CACNA2D3: variants seen among roughly 807,000 people sequenced by gnomAD.
CACNA2D3 encodes the protein calcium voltage-gated channel auxiliary subunit alpha2delta 3, also known as voltage-dependent calcium channel subunit alpha-2/delta-3.
In CACNA2D3, 60 loss-of-function variants were observed where a neutral mutation model predicts 160.6. The observed-to-expected ratio is 0.37, with a 90% CI of 0.30 to 0.46. The LOEUF is 0.46. Ranked by LOEUF, CACNA2D3 falls within the 20% of genes least tolerant of loss-of-function variation. The pLI, the probability that CACNA2D3 is intolerant of heterozygous loss-of-function variation, is 1.00. For missense variants in CACNA2D3, 1,205 were observed against 1,365.0 expected (o/e 0.88, Z 1.85); for synonymous variants, 558 against 492.9 (o/e 1.13, Z -1.75).
intron 13 of CACNA2D3, among the ~76,000 whole-genome samples, chr3:54,782,164 A>G (rs1455548721): frequency 6.6e-6 from 1 of 152,240 alleles, no homozygotes; most frequent in Non-Finnish European, 1.5e-5. Context: ...TTTAAATACT[A>G]GCTGGAAGGT....
intron 23 of CACNA2D3, among the ~76,000 whole-genome samples, chr3:54,886,899 A>G (rs565696252): frequency 2.1e-4 from 28 of 131,664 alleles, no homozygotes; most frequent in Admixed American, 8.4e-4. Flanking sequence ...TGTCTTACTG[A>G]TAAGTTATTT....
intron 12 of CACNA2D3, among the ~76,000 whole-genome samples, chr3:54,763,669 GTA>G (rs1033420483): frequency 1.0e-4 from 13 of 128,514 alleles, no homozygotes; most frequent in Middle Eastern, 4.5e-3. Context: ...GTGTGTGTGT[GTA>G]TATATGTATA....
At chr3:54,364,009 C>T (rs1023705631) in intron 3 of CACNA2D3, among the ~76,000 whole-genome samples, 3 of 152,146 alleles carry the variant, frequency 2.0e-5, no homozygotes, top group African/African-American at 4.8e-5. Context: ...GAGACCGACT[C>T]GGTTAGATGT....
intron 5 of CACNA2D3, among the ~76,000 whole-genome samples, chr3:54,557,925 T>A (rs1702264780): frequency 6.6e-6 from 1 of 152,180 alleles, no homozygotes; most frequent in South Asian, 2.1e-4. Context: ...ACCTCAGTGA[T>A]CTGAAGGAAT....
At chr3:54,364,438 T>A (rs1190199155) in intron 3 of CACNA2D3, among the ~76,000 whole-genome samples, 2 of 152,236 alleles carry the variant, frequency 1.3e-5, no homozygotes, top group Non-Finnish European at 2.9e-5. Flanking sequence ...TTTATGGAAA[T>A]TTCCTGTCCT....
intron 27 of CACNA2D3, among the ~76,000 whole-genome samples, chr3:54,913,949 G>C (rs939259383): frequency 4.6e-5 from 7 of 152,164 alleles, no homozygotes; most frequent in African/African-American, 1.7e-4. Context: ...GCACGAAATT[G>C]GGTGCTCAGT....
At chr3:54,922,065 C>T (rs1485215394) in intron 27 of CACNA2D3, among the ~76,000 whole-genome samples, 2 of 152,164 alleles carry the variant, frequency 1.3e-5, no homozygotes, top group Non-Finnish European at 2.9e-5. Flanking sequence ...AAATCAATTT[C>T]TGCCTTCCTC....
intron 11 of CACNA2D3, among the ~76,000 whole-genome samples, chr3:54,688,041 A>G (rs1037990575): frequency 6.6e-6 from 1 of 152,168 alleles, no homozygotes; most frequent in Non-Finnish European, 1.5e-5. Flanking sequence ...ACTTAGTGAT[A>G]TTATTTCCTT....
At position 55,006,921 on chromosome 3, in the gene CACNA2D3, A is replaced by G. The variant is rs1201446331; in HGVS notation, c.2767-869A>G. 3.9e-5 allele frequency among the ~76,000 whole-genome samples: 6 copies of G among 152,348 alleles called. No individual in the cohort carries two copies. In the East Asian group the frequency reaches 1.2e-3, roughly 29 times the overall value. On this transcript the variant is annotated intron_variant, in intron 32 of 37. Coordinates refer to ENST00000474759, the MANE Select transcript of CACNA2D3 (RefSeq NM_018398.3). ...CATGCATTTCAATTCTCCGATATCT[A>G]AAGGCAACCACAAAAGGTTCTGAGA...
intron 4 of CACNA2D3, among the ~76,000 whole-genome samples, chr3:54,416,019 AC>A (rs985982393): frequency 2.0e-5 from 3 of 152,316 alleles, no homozygotes; most frequent in African/African-American, 4.8e-5. Flanking sequence ...ACCCAAAAAA[AC>A]CCCTCTAAAT....
intron 16 of CACNA2D3, among the ~76,000 whole-genome samples, chr3:54,845,510 A>G (rs1369221789): frequency 6.6e-6 from 1 of 152,244 alleles, no homozygotes; most frequent in Admixed American, 6.5e-5. Context: ...TCAGAGAGAC[A>G]GATCAGTATG....
At chr3:54,330,378 C>A (rs1704221360) in intron 3 of CACNA2D3, among the ~76,000 whole-genome samples, 1 of 152,036 alleles carries the variant, frequency 6.6e-6, no homozygotes, top group African/African-American at 2.4e-5. Context: ...TCTAGTACCT[C>A]TGCAAAGCCC....
At chr3:54,374,497 C>T (rs923068990) in intron 3 of CACNA2D3, among the ~76,000 whole-genome samples, 1 of 152,208 alleles carries the variant, frequency 6.6e-6, no homozygotes. Flanking sequence ...AACACACACT[C>T]TTAGTCACAA....
chr3:54,453,655 GCTCTTGCTCTCT>G (rs940136474), intron 4 of CACNA2D3, among the ~76,000 whole-genome samples: 4 of 152,226 alleles, frequency 2.6e-5, no homozygotes, highest in African/African-American at 9.6e-5. Context: ...ACAATGTCTT[GCTCTTGCTCTCT>G]CTCTTGCTCT....
chr3:54,251,242 A>G (rs574763620), intron 2 of CACNA2D3, among the ~76,000 whole-genome samples: 2 of 152,290 alleles, frequency 1.3e-5, no homozygotes, highest in Admixed American at 6.5e-5. Context: ...GCAGGAGAGC[A>G]GTGAAGAGTC....
At chr3:54,563,071 G>T in intron 6 of CACNA2D3, 140 bp downstream of exon 6, 1 of 773,666 alleles carries the variant, frequency 1.3e-6, no homozygotes, top group Non-Finnish European at 2.0e-6. Flanking sequence ...CTATTGTCAG[G>T]GTGCAGGACA....
intron 11 of CACNA2D3, among the ~76,000 whole-genome samples, chr3:54,646,800 A>G (rs543258571): frequency 2.6e-5 from 4 of 152,254 alleles, no homozygotes; most frequent in Admixed American, 2.6e-4. Flanking sequence ...GTCAAATGGT[A>G]TTTCTGCCTC....
rs1702395324 is a variant in CACNA2D3, at chr3:54,774,802, CTT to C, written c.1380+10455_1380+10456del. 6.6e-5 allele frequency among the ~76,000 whole-genome samples: 10 copies of C among 151,452 alleles called. No homozygotes were observed. In the South Asian group the frequency reaches 2.1e-3, roughly 32 times the overall value. On this transcript the variant is annotated intron_variant, in intron 13 of 37. Coordinates refer to ENST00000474759, the MANE Select transcript of CACNA2D3 (RefSeq NM_018398.3). ...GGCGCCCGCCACCACACCTGGCTAACTTTTTGTATTTTTAGTAGAGACAGGGT... is the reference window on the plus strand; with the variant it reads ...GGCGCCCGCCACCACACCTGGCTAACTTTGTATTTTTAGTAGAGACAGGGT...
At position 54,508,142 on chromosome 3, in the gene CACNA2D3, G is replaced by A. The variant is rs183196742; in HGVS notation, c.544+4488G>A. ...GATCCCAGCCAAAGTGGCAGCAGCA[G>A]TGGGAACAACTGCTCCTTTGTGGAA... On this transcript the variant is annotated intron_variant, in intron 5 of 37. Transcript: ENST00000474759. Among the ~76,000 whole-genome samples the A allele has an allele frequency of 1.4e-4, 22 of 152,356 alleles. No homozygotes were observed. The East Asian group carries it at 3.1e-3, about 21-fold the overall frequency.
Sources: gnomAD v4.1 joint callset for allele counts (sites outside exome capture counted in the v4.1 genomes callset) on GRCh38, gnomAD v4.1.1 for gene constraint, MANE v1.5 for transcripts, NCBI Gene and HGNC (gene_info 2026-07-23, HGNC 2026-07-21) for gene names.